GPC5: variants seen among roughly 807,000 people sequenced by gnomAD.
GPC5 encodes glypican-5.
GPC5 carries 47 observed loss-of-function variants against 53.9 expected under a neutral mutation model. That is an observed-to-expected ratio of 0.87 (90% CI 0.69 to 1.11). The LOEUF (loss-of-function observed/expected upper bound fraction) is 1.11. GPC5 is among the 50% of genes most tolerant of loss of function. GPC5 has a pLI of 0.00. For synonymous variants in GPC5, 286 were observed against 263.3 expected (o/e 1.09, Z -0.84); for missense variants, 748 against 713.1 (o/e 1.05, Z -0.56).
At chr13:91,527,421 C>T (rs1886138792) in intron 2 of GPC5, among the ~76,000 whole-genome samples, 1 of 152,264 alleles carries the variant, frequency 6.6e-6, no homozygotes, top group Admixed American at 6.5e-5. Context: ...CCAGGGCACA[C>T]TGATGGAAGG....
chr13:92,305,591 T>C (rs1006772114), intron 7 of GPC5, among the ~76,000 whole-genome samples: 1 of 152,146 alleles, frequency 6.6e-6, no homozygotes, highest in Admixed American at 6.5e-5. Flanking sequence ...AAGAACATCA[T>C]GAAAAAAAAT....
chr13:92,025,605 G>T (rs2138797803), intron 6 of GPC5, among the ~76,000 whole-genome samples: 1 of 152,278 alleles, frequency 6.6e-6, no homozygotes, highest in African/African-American at 2.4e-5. Flanking sequence ...GGATCTCAAA[G>T]AATTGGCCCA....
intron 5 of GPC5, among the ~76,000 whole-genome samples, chr13:91,780,718 A>C (rs1180145679): frequency 6.6e-6 from 1 of 152,216 alleles, no homozygotes; most frequent in Non-Finnish European, 1.5e-5. Flanking sequence ...TTTCTTTTGT[A>C]GTAAAATTTT....
intron 7 of GPC5, among the ~76,000 whole-genome samples, chr13:92,449,441 T>C (rs1191933526): frequency 6.6e-6 from 1 of 152,094 alleles, no homozygotes; most frequent in Non-Finnish European, 1.5e-5. Context: ...GAATGGAAAA[T>C]CCATATTATC....
rs1306920220 is a variant in GPC5, at chr13:91,571,850, T to TACACATATACGTGTGTGTATATATAC, written c.326-121320_326-121295dup. Among the ~76,000 whole-genome samples the TACACATATACGTGTGTGTATATATAC allele has an allele frequency of 4.1e-4, 29 of 70,510 alleles. 3 individuals carry two copies. Among genetic ancestry groups the TACACATATACGTGTGTGTATATATAC allele is most frequent in the Admixed American group, 1.4e-3 (10 of 7,214 alleles). 46.3% of individuals were successfully genotyped at this position (70,510 alleles called of 152,430 possible). On this transcript the variant is annotated intron_variant, in intron 2 of 7. Coordinates refer to ENST00000377067, the MANE Select transcript of GPC5 (RefSeq NM_004466.6). The stretch of plus-strand genomic sequence containing the variant: ...ATATACACATATACTTGTGTGTATA[T>TACACATATACGTGTGTGTATATATAC]ACACATATACGTGTGTGTATATATA...
Position 92,375,260 on chromosome 13 carries a change from G to A in GPC5, c.1561+230271G>A, listed in dbSNP as rs138805890. 1.7e-3 allele frequency among the ~76,000 whole-genome samples: 262 copies of A among 152,310 alleles called. 2 individuals are homozygous for A. Among genetic ancestry groups the A allele is most frequent in the African/African-American group, 5.8e-3 (240 of 41,574 alleles). ...CATTGCAAACTTTACAGAAGATTAT[G>A]GGTGACAAGGAAATGTCATTTTGAG... On this transcript the variant is annotated intron_variant, in intron 7 of 7. Transcript: ENST00000377067.
chr13:92,184,292 A>G (rs1011128100), intron 7 of GPC5, among the ~76,000 whole-genome samples: 2 of 152,186 alleles, frequency 1.3e-5, no homozygotes, highest in South Asian at 2.1e-4. Flanking sequence ...CTAGTTGAAG[A>G]CCTAACCTCC....
At chr13:91,986,267 A>G (rs4601907) in intron 6 of GPC5, among the ~76,000 whole-genome samples, 91,842 of 151,362 alleles carry the variant, frequency 0.61, 28,543 homozygotes, top group East Asian at 0.75. Flanking sequence ...GGGTTTCATC[A>G]TGTTAGCCAG....
At chr13:91,542,445 T>C (rs937372906) in intron 2 of GPC5, among the ~76,000 whole-genome samples, 24 of 152,226 alleles carry the variant, frequency 1.6e-4, no homozygotes, top group African/African-American at 5.5e-4. Context: ...TGACACACAT[T>C]TGGTAAAACG....
chr13:92,785,542 G>C (rs1324497819), intron 7 of GPC5, among the ~76,000 whole-genome samples: 1 of 152,246 alleles, frequency 6.6e-6, no homozygotes, highest in Admixed American at 6.5e-5. Context: ...AGACTACCAC[G>C]GTAGAGTGGA....
At chr13:92,173,234 C>G (rs1456259639) in intron 7 of GPC5, among the ~76,000 whole-genome samples, 3 of 151,832 alleles carry the variant, frequency 2.0e-5, no homozygotes, top group African/African-American at 7.3e-5. Flanking sequence ...AAACAGAGAT[C>G]GGCCATTCTC....
chr13:92,379,774 G>C (rs938539365), intron 7 of GPC5, among the ~76,000 whole-genome samples: 3 of 152,082 alleles, frequency 2.0e-5, no homozygotes, highest in Non-Finnish European at 4.4e-5. Context: ...GTTCCTCTCT[G>C]TGTCCTCAAA....
At chr13:92,485,713 T>C (rs980045590) in intron 7 of GPC5, among the ~76,000 whole-genome samples, 2 of 152,174 alleles carry the variant, frequency 1.3e-5, no homozygotes, top group South Asian at 4.1e-4. Context: ...CGTTGGCACA[T>C]GCCTGTAATC....
At position 91,626,447 on chromosome 13, in the gene GPC5, T is replaced by C. The variant is rs546492875; in HGVS notation, c.326-66740T>C. Among the ~76,000 whole-genome samples, 6 of 152,180 alleles carry C rather than the reference T, an allele frequency of 3.9e-5. No homozygotes were observed. In the East Asian group the frequency reaches 1.2e-3, roughly 30 times the overall value. On this transcript the variant is annotated intron_variant, in intron 2 of 7. Transcript: ENST00000377067. ...AGGCCTACCTGCCTAGAGGGTTTCT[T>C]GTGAAGGTCAAATGGCTACCCTGTA...
chr13:92,645,274 T>A (rs1026790397), intron 7 of GPC5, among the ~76,000 whole-genome samples: 1 of 152,136 alleles, frequency 6.6e-6, no homozygotes, highest in East Asian at 1.9e-4. Context: ...GCCTCCCAAG[T>A]AGCTGGGACT....
At chr13:91,820,355 C>A (rs1393254324) in intron 5 of GPC5, among the ~76,000 whole-genome samples, 1 of 152,058 alleles carries the variant, frequency 6.6e-6, no homozygotes, top group East Asian at 1.9e-4. Context: ...GCCTTATAGG[C>A]ATGTTTTTCA....
intron 7 of GPC5, among the ~76,000 whole-genome samples, chr13:92,668,818 GATTA>G (rs1886656742): frequency 6.6e-6 from 1 of 151,922 alleles, no homozygotes; most frequent in African/African-American, 2.4e-5. Flanking sequence ...TAATTATTGA[GATTA>G]ATTTTGAATC....
intron 2 of GPC5, among the ~76,000 whole-genome samples, chr13:91,572,122 CGTGTGTATAT>C (rs2031914142): frequency 8.4e-6 from 1 of 119,052 alleles, no homozygotes; most frequent in African/African-American, 3.3e-5. Flanking sequence ...TGTATATATA[CGTGTGTATAT>C]ACACATATGT....
chr13:92,503,818 A>G (rs1285854989), intron 7 of GPC5, among the ~76,000 whole-genome samples: 1 of 151,930 alleles, frequency 6.6e-6, no homozygotes, highest in Non-Finnish European at 1.5e-5. Flanking sequence ...CACAACCAAG[A>G]TAACTTAGAT....
Sources: gnomAD v4.1 joint callset for allele counts (sites outside exome capture counted in the v4.1 genomes callset) on GRCh38, gnomAD v4.1.1 for gene constraint, MANE v1.5 for transcripts, NCBI Gene and HGNC (gene_info 2026-07-23, HGNC 2026-07-21) for gene names.